Variants in CNGB3 observed in about 807,000 individuals in gnomAD.
CNGB3 encodes cyclic nucleotide-gated channel beta-3.
A neutral mutation model predicts 92.8 loss-of-function variants in CNGB3; 86 were observed. That is an observed-to-expected ratio of 0.93 (90% confidence interval 0.78 to 1.11). The LOEUF (loss-of-function observed/expected upper bound fraction) is 1.11, where lower values mean the gene tolerates loss of function less well. Ranked by LOEUF, CNGB3 falls within the 50% of genes least tolerant of loss-of-function variation. The pLI is 0.00. For missense variants in CNGB3, 1,026 were observed against 956.8 expected, an observed-to-expected ratio of 1.07 and a Z score of -0.95; for synonymous variants, 333 against 332.7, an observed-to-expected ratio of 1.00 and a Z score of -0.01.
At chr8:86,654,605 G>A (rs374535877) in intron 6 of CNGB3, among the ~76,000 whole-genome samples, 12 of 152,052 alleles carry the variant, frequency 7.9e-5, no homozygotes, top group African/African-American at 1.9e-4. Context: ...TATACTAAAA[G>A]CCCAATAAAT....
chr8:86,706,780 T>G (rs1053802158), intron 3 of CNGB3, among the ~76,000 whole-genome samples: 3 of 152,216 alleles, frequency 2.0e-5, no homozygotes, highest in Non-Finnish European at 4.4e-5. Context: ...TTAGAATAAT[T>G]GCAGTTGAAA....
At chr8:86,583,732 C>A (rs1445565252) in intron 15 of CNGB3, among the ~76,000 whole-genome samples, 1 of 151,822 alleles carries the variant, frequency 6.6e-6, no homozygotes, top group Admixed American at 6.6e-5. Flanking sequence ...CCAGACTGGG[C>A]AACATGGCAA....
chr8:86,595,592 G>GA (rs1822153823), intron 15 of CNGB3, among the ~76,000 whole-genome samples: 1 of 151,858 alleles, frequency 6.6e-6, no homozygotes, highest in African/African-American at 2.4e-5. Flanking sequence ...TTTGAGATAT[G>GA]AAAAAAATGA....
At chr8:86,591,890 T>G (rs934914682) in intron 15 of CNGB3, among the ~76,000 whole-genome samples, 11 of 152,222 alleles carry the variant, frequency 7.2e-5, no homozygotes, top group African/African-American at 2.7e-4. Context: ...TCTGGGCTGC[T>G]TTGTTTACCT....
At chr8:86,593,698 G>C (rs1331597901) in intron 15 of CNGB3, 3 of 754,176 alleles carry the variant, frequency 4.0e-6, no homozygotes, top group Non-Finnish European at 6.6e-6. Flanking sequence ...CACTAGGCAC[G>C]CTGAGGGCCA....
chr8:86,677,058 T>C (rs895146431), intron 3 of CNGB3, among the ~76,000 whole-genome samples: 1 of 152,118 alleles, frequency 6.6e-6, no homozygotes, highest in Non-Finnish European at 1.5e-5. Flanking sequence ...GTGGCAGAAA[T>C]TGGAGCACTA....
chr8:86,739,451 T>C (rs566341911), intron 2 of CNGB3, among the ~76,000 whole-genome samples: 17 of 152,324 alleles, frequency 1.1e-4, no homozygotes, highest in African/African-American at 4.1e-4. Flanking sequence ...TGTCAGGTGA[T>C]GAAAATGCAT....
Position 86,644,004 on chromosome 8 carries a change from G to A in CNGB3, c.1056-131C>T, listed in dbSNP as rs560894762. 19 of 866,650 alleles carry A rather than the reference G, an allele frequency of 2.2e-5. 1 individual carries two copies. The South Asian group carries it at 2.7e-4, about 12-fold the overall frequency. 53.7% of individuals were successfully genotyped at this position (866,650 alleles called of 1,614,324 possible). Reference sequence around the variant, plus strand: ...ATTTGTGAACTGTTAACTCTCATTAGTACAGTACAAAGTGATGGTGCCATT... The same window carrying A: ...ATTTGTGAACTGTTAACTCTCATTAATACAGTACAAAGTGATGGTGCCATT... On this transcript the variant is annotated intron_variant, in intron 9 of 17. Coordinates refer to ENST00000320005, the MANE Select transcript of CNGB3 (RefSeq NM_019098.5).
At chr8:86,656,818 C>CATGGTA (rs1823516953) in intron 6 of CNGB3, among the ~76,000 whole-genome samples, 1 of 152,134 alleles carries the variant, frequency 6.6e-6, no homozygotes, top group Non-Finnish European at 1.5e-5. Context: ...CCCATCCTTG[C>CATGGTA]CTCCTTTCTC....
intron 15 of CNGB3, among the ~76,000 whole-genome samples, chr8:86,590,183 A>G (rs1419939030): frequency 1.3e-5 from 2 of 150,930 alleles, no homozygotes; most frequent in East Asian, 1.9e-4. Context: ...TTTGTTTTCC[A>G]TTTGCTTGGT....
At chr8:86,731,103 G>T (rs935493248) in intron 2 of CNGB3, among the ~76,000 whole-genome samples, 2 of 152,144 alleles carry the variant, frequency 1.3e-5, no homozygotes, top group Non-Finnish European at 2.9e-5. Context: ...ACATAGAAAA[G>T]AAAATAGATT....
At position 86,591,160 on chromosome 8, in the gene CNGB3, G is replaced by A. The variant is rs867669407; in HGVS notation, c.1782-11908C>T. 2.5e-3 allele frequency among the ~76,000 whole-genome samples: 371 copies of A among 148,630 alleles called. 3 individuals carry two copies. The highest frequency in any genetic ancestry group is 0.014 in the South Asian group (65 of 4,598). ...CTCCTGAGGCTTCTGCATTCTTCAC[G>A]TAGTTCTCGAGCCTTGGTTTTCAGC... is the stretch of plus-strand genomic sequence containing the variant. On this transcript the variant is annotated intron_variant, in intron 15 of 17. Coordinates refer to ENST00000320005, the MANE Select transcript of CNGB3 (RefSeq NM_019098.5).
At chr8:86,644,520 TC>T in intron 9 of CNGB3, 101 bp downstream of exon 9, 1 of 1,464,574 alleles carries the variant, frequency 6.8e-7, no homozygotes, top group Non-Finnish European at 9.3e-7. Flanking sequence ...TGAAATTATA[TC>T]CTTTTTTTGA....
intron 15 of CNGB3, among the ~76,000 whole-genome samples, chr8:86,603,368 T>A (rs1822346634): frequency 6.6e-6 from 1 of 152,184 alleles, no homozygotes; most frequent in South Asian, 2.1e-4. Context: ...GGTTGAATAA[T>A]GAATAAATGT....
At chr8:86,720,664 A>G (rs1439341505) in intron 3 of CNGB3, among the ~76,000 whole-genome samples, 2 of 152,072 alleles carry the variant, frequency 1.3e-5, no homozygotes, top group Non-Finnish European at 1.5e-5. Context: ...CCCGGAGGAA[A>G]AGAAGTCATT....
chr8:86,575,561 AT>A lies in CNGB3; in HGVS notation c.*242del. 2.3e-6 allele frequency: 1 copy of A among 437,552 alleles called. No individual in the cohort carries two copies. The highest frequency in any genetic ancestry group is 4.0e-6 in the Non-Finnish European group (1 of 247,846). The allele number at this position is 437,552 out of a possible 1,614,324, so 27.1% of individuals were successfully genotyped here. A position where few individuals can be genotyped will look rare whatever the true frequency, so the allele number is the denominator to read the frequency against. On this transcript the variant is annotated 3_prime_UTR_variant, in exon 18 of 18. Coordinates refer to ENST00000320005, the MANE Select transcript of CNGB3 (RefSeq NM_019098.5). ...AGGAAAAGGAAACTTACTACATACA[AT>A]TAGAAGATATAGCAATTGCATAAAG...
At chr8:86,735,140 T>C (rs1292820386) in intron 2 of CNGB3, among the ~76,000 whole-genome samples, 1 of 30,236 alleles carries the variant, frequency 3.3e-5, no homozygotes, top group African/African-American at 1.5e-4. Flanking sequence ...TTTAAAATGG[T>C]TGCCTTTTTT....
intron 13 of CNGB3, among the ~76,000 whole-genome samples, chr8:86,625,507 C>G (rs1018620946): frequency 3.3e-5 from 5 of 151,374 alleles, no homozygotes; most frequent in African/African-American, 1.2e-4. Context: ...ATTTTTTTTT[C>G]CTGAAACAAA....
At chr8:86,644,532 A>G (rs1460063997) in intron 9 of CNGB3, 90 bp downstream of exon 9, 4 of 1,517,550 alleles carry the variant, frequency 2.6e-6, no homozygotes, top group Non-Finnish European at 3.6e-6. Flanking sequence ...CTTTTTTTGA[A>G]GAGGGGGGTC....
Sources: gnomAD v4.1 joint callset for allele counts (sites outside exome capture counted in the v4.1 genomes callset) on GRCh38, gnomAD v4.1.1 for gene constraint, MANE v1.5 for transcripts, NCBI Gene and HGNC (gene_info 2026-07-23, HGNC 2026-07-21) for gene names.